NF1: variants seen among roughly 807,000 people sequenced by gnomAD.
The protein encoded by NF1 is neurofibromin 1.
NF1 carries 122 observed loss-of-function variants against 325.7 expected under a neutral mutation model. The observed-to-expected ratio is 0.37, with a 90% CI of 0.32 to 0.44. The LOEUF (loss-of-function observed/expected upper bound fraction) is 0.44. Among genes scored for constraint, NF1 ranks in the 20% least tolerant of loss-of-function variants. NF1 has a pLI of 1.00. For synonymous variants in NF1, 1,091 were observed against 1,186.0 expected, an observed-to-expected ratio of 0.92 and a Z score of 1.65; for missense variants, 2,140 against 3,415.4, an observed-to-expected ratio of 0.63 and a Z score of 9.31.
At chr17:31,098,936 A>G (rs1354038163) in intron 1 of NF1, among the ~76,000 whole-genome samples, 1 of 151,150 alleles carries the variant, frequency 6.6e-6, no homozygotes, top group Admixed American at 6.6e-5. Context: ...CATCTCAGAA[A>G]AAAAAAAAAA....
chr17:31,327,204 T>G (rs1199184343), intron 37 of NF1, among the ~76,000 whole-genome samples: 1 of 152,142 alleles, frequency 6.6e-6, no homozygotes, highest in Non-Finnish European at 1.5e-5. Flanking sequence ...TCAAGTGATC[T>G]GCCCACCTCG....
chr17:31,320,102 G>GT (rs756489402), intron 36 of NF1, among the ~76,000 whole-genome samples: 25 of 152,026 alleles, frequency 1.6e-4, no homozygotes, highest in Non-Finnish European at 3.5e-4. Flanking sequence ...GAATTTAACA[G>GT]TTCCATGTAC....
chr17:31,288,522 G>GTTT (rs200926157), intron 36 of NF1, among the ~76,000 whole-genome samples: 93 of 119,658 alleles, frequency 7.8e-4, no homozygotes, highest in Non-Finnish European at 1.3e-3. Flanking sequence ...TTTTTGCTTT[G>GTTT]TTTTTTTTTT....
intron 36 of NF1, among the ~76,000 whole-genome samples, chr17:31,288,657 C>G (rs1325534044): frequency 1.3e-5 from 2 of 151,474 alleles, no homozygotes; most frequent in Non-Finnish European, 2.9e-5. Context: ...CTGCCTCAGT[C>G]TCCTGAGTAG....
chr17:31,215,472 A>G (rs1353426890), intron 13 of NF1, among the ~76,000 whole-genome samples: 2 of 152,202 alleles, frequency 1.3e-5, no homozygotes, highest in East Asian at 3.8e-4. Context: ...TAATCTTTCT[A>G]TGCCTTAGTT....
At chr17:31,258,726 T>C (rs1422698336) in intron 32 of NF1, among the ~76,000 whole-genome samples, 3 of 152,174 alleles carry the variant, frequency 2.0e-5, no homozygotes, top group African/African-American at 7.2e-5. Context: ...TCTTGTGTTA[T>C]GAAGATCATT....
At chr17:31,254,329 G>A (rs1474910812) in intron 31 of NF1, 2 of 149,738 alleles carry the variant, frequency 1.3e-5, no homozygotes, top group Non-Finnish European at 3.0e-5. Context: ...TTTCTAAGCT[G>A]TACATATAAA....
chr17:31,232,248 A>C, intron 25 of NF1, 59 bp downstream of exon 25: 2 of 1,005,652 alleles, frequency 2.0e-6, no homozygotes, highest in Non-Finnish European at 3.2e-6. Context: ...CCCACCACAC[A>C]AAAAAAGCAA....
chr17:31,216,239 C>T (rs2066817484), intron 13 of NF1, among the ~76,000 whole-genome samples: 1 of 152,202 alleles, frequency 6.6e-6, no homozygotes, highest in Non-Finnish European at 1.5e-5. Flanking sequence ...AGGCACCAAA[C>T]TCACCAATGC....
At chr17:31,295,625 G>C (rs960581859) in intron 36 of NF1, 1 of 1,614,024 alleles carries the variant, frequency 6.2e-7, no homozygotes, top group Non-Finnish European at 8.5e-7. Flanking sequence ...CAGTAAGTAA[G>C]TAATGTTTTG....
At chr17:31,341,953 T>G (rs967853705) in intron 47 of NF1, among the ~76,000 whole-genome samples, 6 of 152,132 alleles carry the variant, frequency 3.9e-5, no homozygotes, top group African/African-American at 1.4e-4. Flanking sequence ...GAAGTGAAAT[T>G]AACTGAACTG....
chr17:31,354,115 A>C (rs1171719454), intron 51 of NF1, among the ~76,000 whole-genome samples: 1 of 152,232 alleles, frequency 6.6e-6, no homozygotes, highest in Non-Finnish European at 1.5e-5. Context: ...GTACTAAGTG[A>C]AAAAGATAAG....
At chr17:31,269,948 T>G (rs961868095) in intron 36 of NF1, among the ~76,000 whole-genome samples, 14 of 152,156 alleles carry the variant, frequency 9.2e-5, no homozygotes, top group African/African-American at 3.1e-4. Context: ...TTGCATGAAC[T>G]AAAAGGAGGG....
chr17:31,118,292 A>G (rs79902358), intron 1 of NF1, among the ~76,000 whole-genome samples: 1 of 143,550 alleles, frequency 7.0e-6, no homozygotes, highest in South Asian at 2.2e-4. Context: ...CCAGATGCTG[A>G]TTTTTTTTTT....
chr17:31,141,183 C>A (rs1250696423), intron 1 of NF1, among the ~76,000 whole-genome samples: 3 of 151,974 alleles, frequency 2.0e-5, no homozygotes, highest in Non-Finnish European at 4.4e-5. Context: ...AAGATATCAG[C>A]TTATAAATCT....
chr17:31,317,853 C>T (rs187752174), intron 36 of NF1: 1 of 154,778 alleles, frequency 6.5e-6, no homozygotes, highest in African/African-American at 2.4e-5. Flanking sequence ...CATTAAATTA[C>T]ACAGTTTAGC....
chr17:31,167,222 A>G (rs901956231), intron 4 of NF1, among the ~76,000 whole-genome samples: 1 of 152,210 alleles, frequency 6.6e-6, no homozygotes, highest in Non-Finnish European at 1.5e-5. Context: ...GCCGTACTCC[A>G]TATTTCTACG....
chr17:31,141,101 TAC>T (rs200617540), intron 1 of NF1, among the ~76,000 whole-genome samples: 6 of 151,982 alleles, frequency 3.9e-5, no homozygotes, highest in African/African-American at 1.4e-4. Context: ...TTGTAACACT[TAC>T]ACACACACAC....
At chr17:31,260,650 C>A (rs1337108594) in intron 34 of NF1, 135 bp downstream of exon 34, 292 of 1,154,524 alleles carry the variant, frequency 2.5e-4, no homozygotes, top group South Asian at 1.6e-4. Context: ...GAGAAAGATT[C>A]TTTTTTTCAA....
Sources: allele counts gnomAD v4.1 joint callset (sites outside exome capture counted in the v4.1 genomes callset), GRCh38; gene constraint gnomAD v4.1.1; transcripts MANE v1.5; gene names NCBI Gene and HGNC (gene_info 2026-07-23, HGNC 2026-07-21).